The following CFAP299 variants were observed in gnomAD, a reference collection of about 807,000 sequenced individuals.
The protein encoded by CFAP299 is cilia and flagella associated protein 299, also known as cilia- and flagella-associated protein 299.
CFAP299 carries 21 observed loss-of-function variants against 27.0 expected under a neutral mutation model. The observed-to-expected ratio is 0.78, with a 90% confidence interval of 0.55 to 1.12. The LOEUF (loss-of-function observed/expected upper bound fraction) is 1.12, where lower values mean the gene tolerates loss of function less well. Ranked by LOEUF, CFAP299 falls within the 50% of genes most tolerant of loss-of-function variation. The pLI is 0.00. For missense variants in CFAP299, 310 were observed against 276.6 expected (o/e 1.12, Z -0.86); for synonymous variants, 104 against 98.1 (o/e 1.06, Z -0.36).
intron 4 of CFAP299, among the ~76,000 whole-genome samples, chr4:80,892,515 T>C (rs957474498): frequency 2.6e-5 from 4 of 152,126 alleles, no homozygotes; most frequent in African/African-American, 9.7e-5. Flanking sequence ...TGGGATCACA[T>C]TAAGTTATAA....
chr4:80,544,288 C>T (rs1734131423), intron 2 of CFAP299, among the ~76,000 whole-genome samples: 1 of 152,168 alleles, frequency 6.6e-6, no homozygotes, highest in South Asian at 2.1e-4. Context: ...CATAAAGCAA[C>T]TGTTCAATCA....
At chr4:80,659,036 T>A (rs1327364954) in intron 3 of CFAP299, among the ~76,000 whole-genome samples, 1 of 152,140 alleles carries the variant, frequency 6.6e-6, no homozygotes, top group South Asian at 2.1e-4. Flanking sequence ...ATATACAGAC[T>A]TTATGAAATA....
At chr4:80,347,808 A>G (rs1284166343) in intron 1 of CFAP299, among the ~76,000 whole-genome samples, 1 of 152,194 alleles carries the variant, frequency 6.6e-6, no homozygotes, top group African/African-American at 2.4e-5. Flanking sequence ...AACCAAAAAG[A>G]GCTCACATAG....
chr4:80,660,052 T>C (rs1232275838), intron 3 of CFAP299, among the ~76,000 whole-genome samples: 1 of 152,074 alleles, frequency 6.6e-6, no homozygotes, highest in Admixed American at 6.6e-5. Context: ...AGATCTAAAA[T>C]TGGGGCAATA....
chr4:80,953,915 T>C (rs1371909708), intron 5 of CFAP299, among the ~76,000 whole-genome samples: 1 of 152,168 alleles, frequency 6.6e-6, no homozygotes, highest in East Asian at 1.9e-4. Context: ...TTTAAGCTTT[T>C]ATTTCCAAGA....
chr4:80,956,058 G>A (rs922509125), intron 5 of CFAP299, among the ~76,000 whole-genome samples: 3 of 152,162 alleles, frequency 2.0e-5, no homozygotes, highest in African/African-American at 7.2e-5. Flanking sequence ...ATTGATATGA[G>A]AATTTCCCAC....
At chr4:80,800,333 TATATATA>T (rs1455540733) in intron 3 of CFAP299, among the ~76,000 whole-genome samples, 1 of 70,422 alleles carries the variant, frequency 1.4e-5, no homozygotes, top group Non-Finnish European at 2.3e-5. Flanking sequence ...TTAATATTAA[TATATATA>T]ATATATAATA....
rs200468997 is a variant in CFAP299 at position 80,863,214 on chromosome 4, T to C, written c.334-6779T>C. ...CTGCTTAGCATGCTTTTTTTTTTTTTTTTAAGTGACTTTGGCTTCACTGTC... is the reference window on the plus strand; with the variant it reads ...CTGCTTAGCATGCTTTTTTTTTTTTCTTTAAGTGACTTTGGCTTCACTGTC... On this transcript the variant is annotated intron_variant, in intron 3 of 5. Transcript: ENST00000358105. Among the ~76,000 whole-genome samples, 130 of 152,060 alleles carry C rather than the reference T, an allele frequency of 8.5e-4. 3 individuals carry two copies. The East Asian group carries it at 0.023, about 26-fold the overall frequency.
chr4:80,941,518 A>C (rs915836973), intron 4 of CFAP299, among the ~76,000 whole-genome samples: 1 of 152,210 alleles, frequency 6.6e-6, no homozygotes, highest in Non-Finnish European at 1.5e-5. Context: ...GGAAACCACT[A>C]AATAGAGATT....
chr4:80,691,414 A>G (rs1228685619), intron 3 of CFAP299, among the ~76,000 whole-genome samples: 1 of 150,352 alleles, frequency 6.7e-6, no homozygotes, highest in East Asian at 2.0e-4. Context: ...AATGTAATCC[A>G]GCATATAAAC....
At chr4:80,864,569 C>T (rs948286784) in intron 3 of CFAP299, among the ~76,000 whole-genome samples, 2 of 148,060 alleles carry the variant, frequency 1.4e-5, no homozygotes, top group Non-Finnish European at 3.0e-5. Context: ...ATAACTAAAA[C>T]GTTTGTTTCA....
chr4:80,517,973 C>A (rs1157097953), intron 2 of CFAP299, among the ~76,000 whole-genome samples: 2 of 152,042 alleles, frequency 1.3e-5, no homozygotes, highest in Non-Finnish European at 2.9e-5. Context: ...GATCTAAAAT[C>A]TGAGTGATAA....
intron 1 of CFAP299, among the ~76,000 whole-genome samples, chr4:80,349,042 A>G (rs1432268077): frequency 1.3e-5 from 2 of 152,180 alleles, no homozygotes; most frequent in Non-Finnish European, 2.9e-5. Context: ...ACCTGCAAGG[A>G]TAACCTAGAA....
chr4:80,572,507 G>GTTTTTTTTTGTT (rs1735633035), intron 2 of CFAP299, among the ~76,000 whole-genome samples: 1 of 36,380 alleles, frequency 2.7e-5, no homozygotes, highest in Admixed American at 5.5e-4. Flanking sequence ...CTGGATCCCA[G>GTTTTTTTTTGTT]TTTTTTTTTT....
chr4:80,914,063 A>T (rs1735623368), intron 4 of CFAP299, among the ~76,000 whole-genome samples: 1 of 152,160 alleles, frequency 6.6e-6, no homozygotes, highest in Admixed American at 6.5e-5. Flanking sequence ...TTCCACTATA[A>T]AGATATGCCA....
intron 2 of CFAP299, among the ~76,000 whole-genome samples, chr4:80,370,927 C>G (rs1578365240): frequency 6.6e-6 from 1 of 152,268 alleles, no homozygotes; most frequent in African/African-American, 2.4e-5. Flanking sequence ...TGTGAGAGCT[C>G]TAACTCCACA....
intron 3 of CFAP299, among the ~76,000 whole-genome samples, chr4:80,599,508 A>G (rs1204670274): frequency 2.6e-5 from 4 of 152,142 alleles, no homozygotes; most frequent in Non-Finnish European, 5.9e-5. Context: ...AGGTAAAGTG[A>G]TGTAGTTAGT....
At chr4:80,468,911 T>C (rs1729848408) in intron 2 of CFAP299, among the ~76,000 whole-genome samples, 1 of 149,356 alleles carries the variant, frequency 6.7e-6, no homozygotes, top group Non-Finnish European at 1.5e-5. Context: ...CATTGGCAAA[T>C]GTGATTTTAG....
intron 2 of CFAP299, among the ~76,000 whole-genome samples, chr4:80,571,900 C>T (rs1276872556): frequency 2.0e-5 from 3 of 152,192 alleles, no homozygotes; most frequent in African/African-American, 7.2e-5. Flanking sequence ...GTTTACACCA[C>T]TCAGTGTATG....
Sources: gnomAD v4.1 joint callset for allele counts (sites outside exome capture counted in the v4.1 genomes callset) on GRCh38, gnomAD v4.1.1 for gene constraint, MANE v1.5 for transcripts, NCBI Gene and HGNC (gene_info 2026-07-23, HGNC 2026-07-21) for gene names.